Variants in ELF1 observed in about 807,000 individuals in gnomAD.
The protein encoded by ELF1 is ETS-related transcription factor Elf-1.
Under a neutral mutation model 59.9 loss-of-function variants are expected in ELF1, and 24 were observed. The ratio of observed to expected loss-of-function variants is 0.40; its 90% CI spans 0.29 to 0.56. The LOEUF is 0.56. ELF1 is among the 20% of genes least tolerant of loss of function. The pLI is 0.44. For synonymous variants in ELF1, 248 were observed against 266.2 expected (o/e 0.93, Z 0.67); for missense variants, 627 against 742.2 (o/e 0.84, Z 1.80).
chr13:41,060,281 G>A (rs1254569756), intron 1 of ELF1, among the ~76,000 whole-genome samples: 1 of 152,358 alleles, frequency 6.6e-6, no homozygotes, highest in East Asian at 1.9e-4. Context: ...CTACTGGTCC[G>A]GGCGCGGGCT....
At chr13:40,978,558 A>G (rs1261083619) in intron 2 of ELF1, among the ~76,000 whole-genome samples, 1 of 152,092 alleles carries the variant, frequency 6.6e-6, no homozygotes, top group Non-Finnish European at 1.5e-5. Flanking sequence ...TATAGCGCAC[A>G]AGATATCACA....
chr13:40,981,270 C>G (rs1001411773), intron 2 of ELF1, among the ~76,000 whole-genome samples: 5 of 151,954 alleles, frequency 3.3e-5, no homozygotes. Context: ...CCCTATATAA[C>G]TTGTTTAAAA....
intron 1 of ELF1, among the ~76,000 whole-genome samples, chr13:40,990,125 C>T (rs956017075): frequency 3.9e-5 from 6 of 152,104 alleles, no homozygotes; most frequent in African/African-American, 1.4e-4. Context: ...ATTCAAAAAT[C>T]ATACACAAGA....
chr13:40,933,760 T>C lies in ELF1; in HGVS notation c.1525A>G (p.Thr509Ala). ...LGPAQVQQVLTSNVQTICNGT... is the reference protein window; with the variant it reads ...LGPAQVQQVLASNVQTICNGT... ...TTGCAAATGGTCTGAACATTGCTAG[T>C]AAGGACCTGCTGAACCTGGGCAGGG... Residue 509 changes from threonine to alanine, a missense_variant, in exon 9 of 9, where the codon ACT becomes GCT. Thr to Ala is a moderately conservative substitution (Grantham distance 58, BLOSUM62 0). Coordinates refer to ENST00000239882, the MANE Select transcript of ELF1 (RefSeq NM_172373.4). The C allele has an allele frequency of 1.9e-6, 3 of 1,614,238 alleles. No homozygotes were observed. Among genetic ancestry groups the C allele is most frequent in the Non-Finnish European group, 2.5e-6 (3 of 1,180,048 alleles).
chr13:41,055,856 G>T (rs1232056218), intron 1 of ELF1, among the ~76,000 whole-genome samples: 1 of 141,992 alleles, frequency 7.0e-6, no homozygotes, highest in Admixed American at 7.0e-5. Flanking sequence ...GCTAATTTTT[G>T]TTTTTTTTTT....
At chr13:41,020,216 G>T (rs1875635588), upstream of ELF1, among the ~76,000 whole-genome samples, 1 of 152,192 alleles carries the variant, frequency 6.6e-6, no homozygotes, top group South Asian at 2.1e-4. Context: ...CTGACAAAGT[G>T]CCCAAGCCAC....
At chr13:40,995,193 C>T (rs1338619607) in intron 1 of ELF1, among the ~76,000 whole-genome samples, 2 of 152,172 alleles carry the variant, frequency 1.3e-5, no homozygotes, top group East Asian at 3.8e-4. Flanking sequence ...TTTATTTGAT[C>T]GGCCCTTACT....
At chr13:41,026,760 C>A (rs1023052687) in intron 1 of ELF1, among the ~76,000 whole-genome samples, 1 of 152,146 alleles carries the variant, frequency 6.6e-6, no homozygotes, top group Admixed American at 6.5e-5. Context: ...GCGTGCATAG[C>A]ACCATTAAAA....
chr13:41,011,217 T>C (rs922177418), intron 1 of ELF1, among the ~76,000 whole-genome samples: 1 of 152,228 alleles, frequency 6.6e-6, no homozygotes, highest in East Asian at 1.9e-4. Context: ...AATGTTTTTG[T>C]TTTGAAATGT....
chr13:40,948,761 C>T (rs1298069950), intron 5 of ELF1, among the ~76,000 whole-genome samples: 1 of 152,202 alleles, frequency 6.6e-6, no homozygotes, highest in African/African-American at 2.4e-5. Context: ...TCTTCAGTTA[C>T]TTACCTGCTG....
intron 2 of ELF1, among the ~76,000 whole-genome samples, chr13:40,968,957 C>T (rs1872358364): frequency 6.6e-6 from 1 of 152,074 alleles, no homozygotes; most frequent in Non-Finnish European, 1.5e-5. Flanking sequence ...TGGGCTTAAG[C>T]AGTCCATCTG....
At chr13:41,020,793 A>T (rs547750853), upstream of ELF1, among the ~76,000 whole-genome samples, 1 of 152,310 alleles carries the variant, frequency 6.6e-6, no homozygotes, top group South Asian at 2.1e-4. Context: ...TTCCCTGGAA[A>T]GTTCCCCCCA....
chr13:40,972,695 T>C (rs1451393930), intron 2 of ELF1, among the ~76,000 whole-genome samples: 1 of 152,204 alleles, frequency 6.6e-6, no homozygotes, highest in African/African-American at 2.4e-5. Context: ...GTAATTCTGT[T>C]ATTTTTGTGA....
intron 1 of ELF1, among the ~76,000 whole-genome samples, chr13:41,011,014 T>C (rs1209822703): frequency 6.6e-6 from 1 of 152,174 alleles, no homozygotes; most frequent in African/African-American, 2.4e-5. Context: ...ATCTAGTTTA[T>C]AATGACAACA....
intron 1 of ELF1, among the ~76,000 whole-genome samples, chr13:41,055,787 C>T (rs1449408904): frequency 6.6e-6 from 1 of 151,822 alleles, no homozygotes; most frequent in African/African-American, 2.4e-5. Context: ...CAGGTTCAAG[C>T]AATCCTACCA....
intron 1 of ELF1, among the ~76,000 whole-genome samples, chr13:41,045,937 C>G (rs1217172646): frequency 6.6e-6 from 1 of 152,154 alleles, no homozygotes; most frequent in Non-Finnish European, 1.5e-5. Context: ...CTATAGGTCT[C>G]TAAGGACTTG....
At chr13:40,996,105 A>C (rs1874113947) in intron 1 of ELF1, among the ~76,000 whole-genome samples, 1 of 152,314 alleles carries the variant, frequency 6.6e-6, no homozygotes, top group East Asian at 1.9e-4. Flanking sequence ...ATGCAAACTA[A>C]AATGACAATG....
intron 1 of ELF1, among the ~76,000 whole-genome samples, chr13:41,025,267 A>G (rs1323754284): frequency 6.6e-6 from 1 of 151,970 alleles, no homozygotes; most frequent in Middle Eastern, 3.2e-3. Flanking sequence ...CACTTACCTT[A>G]TTTCCTATCC....
chr13:40,981,874 T>C (rs1873291233), intron 2 of ELF1, 109 bp downstream of exon 2: 1 of 1,237,470 alleles, frequency 8.1e-7, no homozygotes, highest in African/African-American at 1.5e-5. Context: ...TATAAATTTT[T>C]ACTTTCAATA....
Sources: allele counts gnomAD v4.1 joint callset (sites outside exome capture counted in the v4.1 genomes callset), GRCh38; gene constraint gnomAD v4.1.1; transcripts MANE v1.5; gene names NCBI Gene and HGNC (gene_info 2026-07-23, HGNC 2026-07-21).